The following ATP10A variants were observed in gnomAD, a reference collection of about 807,000 sequenced individuals.
ATP10A encodes the protein ATPase phospholipid transporting 10A (putative), also known as phospholipid-transporting ATPase VA.
ATP10A carries 111 observed loss-of-function variants against 147.8 expected under a neutral mutation model. The observed-to-expected ratio is 0.75, with a 90% CI of 0.64 to 0.88. The LOEUF (loss-of-function observed/expected upper bound fraction) is 0.88, where lower values mean the gene tolerates loss of function less well. Ranked by LOEUF, ATP10A falls within the 40% of genes least tolerant of loss-of-function variation. The probability of loss-of-function intolerance (pLI) is 0.00; values close to 1 mark genes in which losing one functional copy is unlikely to be tolerated. For synonymous variants in ATP10A, 875 were observed against 841.6 expected, an observed-to-expected ratio of 1.04 and a Z score of -0.69; for missense variants, 1,927 against 1,959.0, an observed-to-expected ratio of 0.98 and a Z score of 0.31.
intron 1 of ATP10A, among the ~76,000 whole-genome samples, chr15:25,816,762 GT>G (rs1201590552): frequency 6.6e-6 from 1 of 152,046 alleles, no homozygotes; most frequent in African/African-American, 2.4e-5. Context: ...ATTTTTTAAG[GT>G]ATGACCTATC....
chr15:25,800,964 C>T (rs2140780716), intron 1 of ATP10A, among the ~76,000 whole-genome samples: 1 of 152,306 alleles, frequency 6.6e-6, no homozygotes, highest in African/African-American at 2.4e-5. Context: ...GACGCTGCTC[C>T]TGGCTCACTG....
intron 2 of ATP10A, among the ~76,000 whole-genome samples, chr15:25,755,101 G>A (rs2140599484): frequency 6.6e-6 from 1 of 152,214 alleles, no homozygotes; most frequent in South Asian, 2.1e-4. Context: ...CCTTGAAATA[G>A]CAGTTAAACA....
chr15:25,705,222 C>T (rs556368712), intron 12 of ATP10A, among the ~76,000 whole-genome samples: 3 of 152,104 alleles, frequency 2.0e-5, no homozygotes, highest in East Asian at 3.9e-4. Flanking sequence ...AGGAGGATCA[C>T]GTTAAACCAG....
intron 9 of ATP10A, among the ~76,000 whole-genome samples, chr15:25,714,496 A>G (rs1053347300): frequency 3.7e-4 from 56 of 152,258 alleles, no homozygotes; most frequent in African/African-American, 1.3e-3. Flanking sequence ...TAATAAAAAA[A>G]GAAATTGCAA....
intron 12 of ATP10A, among the ~76,000 whole-genome samples, chr15:25,706,778 G>C (rs1284247565): frequency 1.3e-5 from 2 of 152,196 alleles, no homozygotes; most frequent in African/African-American, 4.8e-5. Flanking sequence ...CAGGGGAAAA[G>C]CTGCTCCCTG....
intron 1 of ATP10A, among the ~76,000 whole-genome samples, chr15:25,844,174 C>T (rs1466745336): frequency 6.6e-6 from 1 of 152,138 alleles, no homozygotes; most frequent in African/African-American, 2.4e-5. Context: ...TTGTTATTTA[C>T]AAGGGGTATG....
intron 2 of ATP10A, among the ~76,000 whole-genome samples, chr15:25,736,422 G>A (rs573973291): frequency 9.8e-4 from 149 of 152,332 alleles, no homozygotes; most frequent in African/African-American, 3.3e-3. Context: ...GAGAACAGGC[G>A]ATAAAGCAAA....
intron 2 of ATP10A, among the ~76,000 whole-genome samples, chr15:25,774,395 A>G (rs1889500452): frequency 6.6e-6 from 1 of 152,102 alleles, no homozygotes; most frequent in African/African-American, 2.4e-5. Flanking sequence ...ACCAAGACGG[A>G]GAAACCCCGT....
rs761250937 is a variant in ATP10A at position 25,713,969 on chromosome 15, C to T, written c.2049G>A (p.Gln683=). The change falls in exon 10 of 21, where the codon CAG becomes CAA. Residue 683 remains glutamine (Q), a synonymous_variant. Coordinates refer to ENST00000555815, the MANE Select transcript of ATP10A (RefSeq NM_024490.4). ...GCAGCTCGCGCTCTGACTCCTGCTC[C>T]TGAGCAAGCTCCGAGGCCCAGTTGT... ...QADNWASELA[Q]EQESERELRY... The T allele has an allele frequency of 1.5e-5, 24 of 1,609,868 alleles. No individual in the cohort carries two copies. The Admixed American group carries it at 2.8e-4, about 19-fold the overall frequency.
intron 16 of ATP10A, among the ~76,000 whole-genome samples, chr15:25,684,728 A>G (rs1396419748): frequency 6.6e-6 from 1 of 152,168 alleles, no homozygotes; most frequent in Non-Finnish European, 1.5e-5. Context: ...TCTGCTGGGC[A>G]CCGCAAGGCC....
chr15:25,734,208 T>G (rs1409735247), intron 3 of ATP10A, among the ~76,000 whole-genome samples: 1 of 152,014 alleles, frequency 6.6e-6, no homozygotes, highest in Non-Finnish European at 1.5e-5. Flanking sequence ...GCCGTCACCT[T>G]TCCTAGGCTC....
chr15:25,765,837 C>G (rs1229031192), intron 2 of ATP10A, among the ~76,000 whole-genome samples: 2 of 152,194 alleles, frequency 1.3e-5, no homozygotes, highest in African/African-American at 4.8e-5. Flanking sequence ...CTTTCAATGA[C>G]AGCAGCAGCA....
chr15:25,845,085 T>C (rs1175215163), intron 1 of ATP10A, among the ~76,000 whole-genome samples: 1 of 152,148 alleles, frequency 6.6e-6, no homozygotes, highest in Admixed American at 6.5e-5. Context: ...TGTGATGAGG[T>C]GGACACTCAC....
chr15:25,755,439 G>T (rs181184681), intron 2 of ATP10A, among the ~76,000 whole-genome samples: 7 of 152,304 alleles, frequency 4.6e-5, no homozygotes, highest in African/African-American at 1.2e-4. Context: ...CAGCACAAAT[G>T]AGCTTTTGAA....
chr15:25,754,415 G>T (rs1448846734), intron 2 of ATP10A, among the ~76,000 whole-genome samples: 1 of 152,184 alleles, frequency 6.6e-6, no homozygotes, highest in Non-Finnish European at 1.5e-5. Context: ...TTACAGGCGA[G>T]AGCCACTGGG....
intron 6 of ATP10A, among the ~76,000 whole-genome samples, chr15:25,722,596 T>A (rs4906626): frequency 0.89 from 134,733 of 152,222 alleles, 60,423 homozygotes; most frequent in East Asian, 0.99. Context: ...CTAACTGGGT[T>A]CTCCTGGGAA....
At chr15:25,673,043 A>G (rs1899072355), downstream of ATP10A, among the ~76,000 whole-genome samples, 1 of 152,170 alleles carries the variant, frequency 6.6e-6, no homozygotes, top group South Asian at 2.1e-4. Flanking sequence ...TCACAGGGGC[A>G]AGGGCCAATG....
intron 2 of ATP10A, among the ~76,000 whole-genome samples, chr15:25,769,648 G>T (rs1273711552): frequency 1.3e-5 from 2 of 152,152 alleles, no homozygotes; most frequent in Non-Finnish European, 2.9e-5. Context: ...GGTTCATCAT[G>T]AGAAAGCATT....
intron 1 of ATP10A, among the ~76,000 whole-genome samples, chr15:25,840,909 A>G (rs1285603842): frequency 6.6e-6 from 1 of 152,160 alleles, no homozygotes; most frequent in African/African-American, 2.4e-5. Context: ...GATGTTGAAC[A>G]TCTTTTCATG....
Sources: gnomAD v4.1 joint callset for allele counts (sites outside exome capture counted in the v4.1 genomes callset) on GRCh38, gnomAD v4.1.1 for gene constraint, MANE v1.5 for transcripts, NCBI Gene and HGNC (gene_info 2026-07-23, HGNC 2026-07-21) for gene names.